RXFP1: variants seen among roughly 807,000 people sequenced by gnomAD.
RXFP1 encodes relaxin family peptide receptor 1.
In RXFP1, 73 loss-of-function variants were observed where a neutral mutation model predicts 89.8. That is an observed-to-expected ratio of 0.81 (90% CI 0.67 to 0.99). RXFP1 has a LOEUF of 0.99. RXFP1 is among the 50% of genes least tolerant of loss of function. The pLI, the probability that RXFP1 is intolerant of heterozygous loss-of-function variation, is 0.00. For missense variants in RXFP1, 793 were observed against 895.5 expected (o/e 0.89, Z 1.46); for synonymous variants, 277 against 305.5 (o/e 0.91, Z 0.97).
intron 1 of RXFP1, among the ~76,000 whole-genome samples, 153 bp from the exon 2 acceptor site, chr4:158,572,545 T>A (rs891145861): frequency 6.6e-6 from 1 of 152,206 alleles, no homozygotes; most frequent in Admixed American, 6.5e-5. Flanking sequence ...TCCTAAGAGG[T>A]GAAGGTTCCT....
intron 1 of RXFP1, among the ~76,000 whole-genome samples, chr4:158,536,223 T>C (rs10034555): frequency 0.049 from 7,503 of 152,244 alleles, 626 homozygotes; most frequent in African/African-American, 0.17. Flanking sequence ...AAATATTGTG[T>C]TTATAGGACC....
At chr4:158,630,949 C>A (rs543441484) in intron 11 of RXFP1, among the ~76,000 whole-genome samples, 1 of 152,164 alleles carries the variant, frequency 6.6e-6, no homozygotes, top group Non-Finnish European at 1.5e-5. Context: ...ATCTTTGCCA[C>A]GTGGGTGACT....
At chr4:158,592,850 G>T (rs771683828) in intron 2 of RXFP1, among the ~76,000 whole-genome samples, 73 of 152,156 alleles carry the variant, frequency 4.8e-4, no homozygotes, top group Non-Finnish European at 6.9e-4. Context: ...CAACACTTTG[G>T]GGGGCCGAGG....
intron 9 of RXFP1, among the ~76,000 whole-genome samples, chr4:158,626,579 G>A (rs1363836835): frequency 3.3e-5 from 5 of 151,848 alleles, no homozygotes; most frequent in African/African-American, 9.7e-5. Context: ...ATACATGCCC[G>A]TATGCACTCA....
At chr4:158,579,372 A>G (rs960388423) in intron 2 of RXFP1, among the ~76,000 whole-genome samples, 1 of 152,102 alleles carries the variant, frequency 6.6e-6, no homozygotes, top group African/African-American at 2.4e-5. Context: ...GGGTTCAAGC[A>G]ATTCTCCTGC....
At chr4:158,574,642 C>T (rs183883453) in intron 2 of RXFP1, among the ~76,000 whole-genome samples, 164 of 152,358 alleles carry the variant, frequency 1.1e-3, no homozygotes, top group African/African-American at 3.4e-3. Flanking sequence ...TCCTATAATA[C>T]ATGCCTCTGA....
At chr4:158,580,109 A>C (rs944305316) in intron 2 of RXFP1, among the ~76,000 whole-genome samples, 6 of 152,196 alleles carry the variant, frequency 3.9e-5, no homozygotes, top group Non-Finnish European at 8.8e-5. Flanking sequence ...GGGAAACACA[A>C]GGCAGTGCAG....
In RXFP1 at chr4:158,646,914, C is replaced by G. The variant is rs771304565; in HGVS notation, c.1469C>G (p.Ser490Cys). 7.4e-6 allele frequency: 12 copies of G among 1,614,160 alleles called. No individual in the cohort carries two copies. The South Asian group carries it at 1.3e-4, about 18-fold the overall frequency. The change falls in exon 16 of 18, where the codon TCT becomes TGT. Residue 490 changes from serine (S) to cysteine (C), a missense_variant. Ser to Cys is a moderately radical substitution (Grantham distance 112, BLOSUM62 -1). Transcript: ENST00000307765. ...AGTACTCATTGTCAGCTTGTAGGAT[C>G]TTTGGCCATTCTGTCCACAGAAGTA... The part of the protein sequence containing the change: ...MESTHCQLVG[S>C]LAILSTEVSV...
intron 1 of RXFP1, among the ~76,000 whole-genome samples, chr4:158,545,998 T>C (rs1213185780): frequency 6.6e-6 from 1 of 152,208 alleles, no homozygotes; most frequent in Non-Finnish European, 1.5e-5. Flanking sequence ...AAGTCATTGG[T>C]AGCTTGATGG....
chr4:158,527,073 AC>A (rs1474156810), intron 1 of RXFP1, among the ~76,000 whole-genome samples: 1 of 152,188 alleles, frequency 6.6e-6, no homozygotes, highest in African/African-American at 2.4e-5. Flanking sequence ...CCAAAATGTT[AC>A]CCACATGATT....
intron 2 of RXFP1, 86 bp downstream of exon 2, chr4:158,572,921 A>G: frequency 6.5e-7 from 1 of 1,541,164 alleles, no homozygotes; most frequent in Middle Eastern, 1.9e-4. Context: ...CAACAAAAAG[A>G]CAAAACTAAA....
chr4:158,561,610 ATTTTTTTC>A (rs1752436692), intron 1 of RXFP1, among the ~76,000 whole-genome samples: 1 of 141,584 alleles, frequency 7.1e-6, no homozygotes, highest in African/African-American at 2.6e-5. Flanking sequence ...CACAATCTGT[ATTTTTTTC>A]TTTTTTTCTT....
chr4:158,615,217 G>A (rs977991144), intron 8 of RXFP1, among the ~76,000 whole-genome samples: 3 of 152,136 alleles, frequency 2.0e-5, no homozygotes, highest in African/African-American at 7.2e-5. Context: ...GGAGTAGTCA[G>A]AACACACACA....
intron 1 of RXFP1, among the ~76,000 whole-genome samples, chr4:158,545,414 A>G (rs1360157255): frequency 6.6e-6 from 1 of 152,018 alleles, no homozygotes. Flanking sequence ...GTTCACTCTG[A>G]TGGTAGTTTC....
chr4:158,575,310 A>G lies in RXFP1; in HGVS notation c.187+2475A>G, dbSNP rs529330145. Among the ~76,000 whole-genome samples, 15 of 152,346 alleles carry G rather than the reference A, an allele frequency of 9.8e-5. No homozygotes were observed. In the South Asian group the frequency reaches 1.4e-3, roughly 15 times the overall value. Reference sequence around the variant, plus strand: ...AGTTTAGAAATCAGAGTTAAACTCTAGCTATAAAGGGAGGCAAAAAATGGC... The same window carrying G: ...AGTTTAGAAATCAGAGTTAAACTCTGGCTATAAAGGGAGGCAAAAAATGGC... On this transcript the variant is annotated intron_variant, in intron 2 of 17. Transcript: ENST00000307765.
chr4:158,600,168 A>G (rs1761415953), intron 4 of RXFP1, among the ~76,000 whole-genome samples: 2 of 152,244 alleles, frequency 1.3e-5, no homozygotes, highest in Admixed American at 6.5e-5. Context: ...TCATTTAGAT[A>G]CCTTAGTGCC....
chr4:158,535,431 G>A (rs1745061859), intron 1 of RXFP1, among the ~76,000 whole-genome samples: 1 of 152,210 alleles, frequency 6.6e-6, no homozygotes, highest in Non-Finnish European at 1.5e-5. Context: ...CTTAGAGAGG[G>A]CGTGGCCATT....
intron 2 of RXFP1, among the ~76,000 whole-genome samples, chr4:158,581,970 G>T (rs1561061493): frequency 6.6e-6 from 1 of 152,192 alleles, no homozygotes. Flanking sequence ...GGAAGCAAGA[G>T]AGAGGAGGGG....
chr4:158,545,655 G>C (rs1748128218), intron 1 of RXFP1, among the ~76,000 whole-genome samples: 1 of 152,140 alleles, frequency 6.6e-6, no homozygotes, highest in Non-Finnish European at 1.5e-5. Flanking sequence ...TCCAGTTTCA[G>C]CTTTCTACAT....
Sources: gnomAD v4.1 joint callset for allele counts (sites outside exome capture counted in the v4.1 genomes callset) on GRCh38, gnomAD v4.1.1 for gene constraint, MANE v1.5 for transcripts, NCBI Gene and HGNC (gene_info 2026-07-23, HGNC 2026-07-21) for gene names.